The following SNTG1 variants were observed in gnomAD, a reference collection of about 807,000 sequenced individuals.
SNTG1 encodes the protein syntrophin gamma 1.
A neutral mutation model predicts 74.7 loss-of-function variants in SNTG1; 39 were observed. The observed-to-expected ratio is 0.52, with a 90% CI of 0.40 to 0.68. The LOEUF is 0.68. SNTG1 is among the 30% of genes least tolerant of loss of function. The pLI is 0.00. For missense variants in SNTG1, 685 were observed against 609.5 expected (o/e 1.12, Z -1.30); for synonymous variants, 254 against 217.1 (o/e 1.17, Z -1.49).
intron 8 of SNTG1, among the ~76,000 whole-genome samples, chr8:50,451,363 C>T (rs1052592912): frequency 2.0e-5 from 3 of 152,070 alleles, no homozygotes; most frequent in African/African-American, 4.8e-5. Context: ...GTGTTGGTAT[C>T]CTCTGGGGTC....
At chr8:50,265,713 AGAAAATCCTAG>A (rs2087429167) in intron 2 of SNTG1, among the ~76,000 whole-genome samples, 1 of 152,092 alleles carries the variant, frequency 6.6e-6, no homozygotes, top group Non-Finnish European at 1.5e-5. Flanking sequence ...TATTATAGGT[AGAAAATCCTAG>A]GATCTACAAA....
At chr8:50,075,670 T>TG (rs1821800806) in intron 1 of SNTG1, among the ~76,000 whole-genome samples, 1 of 152,176 alleles carries the variant, frequency 6.6e-6, no homozygotes, top group Non-Finnish European at 1.5e-5. Flanking sequence ...ATCTTGCTGC[T>TG]GCTCACTCTT....
At chr8:50,322,009 G>T (rs1298285615) in intron 2 of SNTG1, among the ~76,000 whole-genome samples, 1 of 151,944 alleles carries the variant, frequency 6.6e-6, no homozygotes, top group East Asian at 1.9e-4. Flanking sequence ...TATTTTCTGT[G>T]TACTTACTTT....
Position 50,758,930 on chromosome 8 carries a change from T to A in SNTG1, c.1395+6819T>A, listed in dbSNP as rs570924531. ...CCAAAATGTTTGAACTAATTTACAC[T>A]CCCATCAACATTGAAAAGCGTTCTC... On this transcript the variant is annotated intron_variant, in intron 18 of 18. Coordinates refer to ENST00000642720, the MANE Select transcript of SNTG1 (RefSeq NM_018967.5). Among the ~76,000 whole-genome samples, 3 of 152,142 alleles carry A rather than the reference T, an allele frequency of 2.0e-5. No individual in the cohort carries two copies. The East Asian group carries it at 5.8e-4, about 30-fold the overall frequency.
At chr8:50,095,961 CTTAA>C (rs1046478467) in intron 1 of SNTG1, among the ~76,000 whole-genome samples, 63 of 140,444 alleles carry the variant, frequency 4.5e-4, no homozygotes, top group African/African-American at 1.6e-3. Flanking sequence ...AAATTATTAT[CTTAA>C]TTATTATTAC....
intron 4 of SNTG1, among the ~76,000 whole-genome samples, chr8:50,406,961 T>C (rs1444911869): frequency 6.6e-6 from 1 of 152,176 alleles, no homozygotes; most frequent in Non-Finnish European, 1.5e-5. Flanking sequence ...TACTTTCAGA[T>C]AACCAGATAT....
intron 15 of SNTG1, among the ~76,000 whole-genome samples, chr8:50,683,241 G>A (rs960766745): frequency 6.6e-6 from 1 of 152,134 alleles, no homozygotes; most frequent in Non-Finnish European, 1.5e-5. Flanking sequence ...AAATAGTAGT[G>A]AGTAGTGAGA....
intron 1 of SNTG1, among the ~76,000 whole-genome samples, chr8:50,081,229 A>T (rs922247272): frequency 1.3e-5 from 2 of 151,838 alleles, no homozygotes; most frequent in Non-Finnish European, 2.9e-5. Context: ...GCTGGTTATA[A>T]AATTCTTTGT....
At chr8:50,502,741 G>A in intron 8 of SNTG1, 37 bp from the exon 9 acceptor site, 1 of 1,517,450 alleles carries the variant, frequency 6.6e-7, no homozygotes, top group East Asian at 2.3e-5. Context: ...CATGATAAAT[G>A]TAATGATGAT....
At chr8:50,104,605 C>G (rs2080291953) in intron 1 of SNTG1, among the ~76,000 whole-genome samples, 2 of 152,090 alleles carry the variant, frequency 1.3e-5, no homozygotes, top group Admixed American at 1.3e-4. Context: ...CGTCTGCTAG[C>G]TTTTGAATGT....
At chr8:50,265,810 A>C (rs2130180992) in intron 2 of SNTG1, among the ~76,000 whole-genome samples, 1 of 152,228 alleles carries the variant, frequency 6.6e-6, no homozygotes, top group Admixed American at 6.5e-5. Context: ...AAAAACCTTT[A>C]AATGAAATAA....
At chr8:49,924,976 C>G (rs1283888943) in intron 1 of SNTG1, among the ~76,000 whole-genome samples, 1 of 151,434 alleles carries the variant, frequency 6.6e-6, no homozygotes, top group Non-Finnish European at 1.5e-5. Flanking sequence ...AAAGTGAGAC[C>G]CCCCCATCAC....
At chr8:50,347,154 T>A (rs1482821423) in intron 2 of SNTG1, among the ~76,000 whole-genome samples, 1 of 152,196 alleles carries the variant, frequency 6.6e-6, no homozygotes, top group Non-Finnish European at 1.5e-5. Context: ...CTTCAAAGCT[T>A]CAAAAGACAC....
At chr8:50,357,779 C>T (rs1328369562) in intron 2 of SNTG1, among the ~76,000 whole-genome samples, 2 of 152,070 alleles carry the variant, frequency 1.3e-5, no homozygotes, top group Admixed American at 6.5e-5. Context: ...GTAATTTTAT[C>T]TTGTGTTACT....
chr8:50,563,099 G>T (rs1186403283), intron 12 of SNTG1, among the ~76,000 whole-genome samples: 2 of 152,180 alleles, frequency 1.3e-5, no homozygotes, highest in African/African-American at 4.8e-5. Context: ...AGACAAGACT[G>T]TTGAATTGTC....
intron 17 of SNTG1, among the ~76,000 whole-genome samples, chr8:50,739,812 A>G (rs2095538577): frequency 6.6e-6 from 1 of 152,088 alleles, no homozygotes; most frequent in East Asian, 1.9e-4. Context: ...GGAACCCAGA[A>G]ATAAGACCAT....
At chr8:50,704,488 CA>C in intron 15 of SNTG1, 111 bp from the exon 16 acceptor site, 2 of 1,344,480 alleles carry the variant, frequency 1.5e-6, no homozygotes, top group Non-Finnish European at 2.1e-6. Context: ...GGTGAATTCG[CA>C]GAGTGTTGTC....
At chr8:50,297,029 T>G (rs966585957) in intron 2 of SNTG1, among the ~76,000 whole-genome samples, 4 of 152,302 alleles carry the variant, frequency 2.6e-5, no homozygotes, top group East Asian at 3.9e-4. Context: ...TTGTAGTTTT[T>G]GGCACAGATT....
At chr8:50,569,494 G>A (rs1184592929) in intron 12 of SNTG1, among the ~76,000 whole-genome samples, 2 of 149,478 alleles carry the variant, frequency 1.3e-5, no homozygotes, top group African/African-American at 2.5e-5. Context: ...TTCCATAAAA[G>A]CGTTGGTTTT....
Sources: allele counts gnomAD v4.1 joint callset (sites outside exome capture counted in the v4.1 genomes callset), GRCh38; gene constraint gnomAD v4.1.1; transcripts MANE v1.5; gene names NCBI Gene and HGNC (gene_info 2026-07-23, HGNC 2026-07-21).